CDK8: variants seen among roughly 807,000 people sequenced by gnomAD.
CDK8 encodes the protein cyclin-dependent kinase 8.
In CDK8, 29 loss-of-function variants were observed where a neutral mutation model predicts 71.5. The ratio of observed to expected loss-of-function variants is 0.41; its 90% CI spans 0.30 to 0.55. CDK8 has a LOEUF of 0.55. Ranked by LOEUF, CDK8 falls within the 20% of genes least tolerant of loss-of-function variation. The pLI is 0.37. For missense variants in CDK8, 288 were observed against 572.6 expected (o/e 0.50, Z 5.07); for synonymous variants, 161 against 192.1 (o/e 0.84, Z 1.34).
At chr13:26,391,718 A>G (rs1039978247) in intron 6 of CDK8, among the ~76,000 whole-genome samples, 1 of 152,224 alleles carries the variant, frequency 6.6e-6, no homozygotes, top group Non-Finnish European at 1.5e-5. Flanking sequence ...AGGTTGGCCT[A>G]TGTTTCTTGA....
Position 26,400,519 on chromosome 13 carries a change from T to G in CDK8, c.1000T>G (p.Tyr334Asp). The change falls in exon 10 of 13, where the codon TAT becomes GAT. Residue 334 changes from tyrosine (Y) to aspartate (D), a missense_variant. Tyr to Asp is a radical substitution (Grantham distance 160). Transcript: ENST00000381527. ...CTCAGAACAGGCTATGCAGGACCCC[T>G]ATTTCTTAGAAGACCCACTTCCTAC... Reference protein sequence around the residue: ...ITSEQAMQDPYFLEDPLPTSD... With the variant: ...ITSEQAMQDPDFLEDPLPTSD... The G allele has an allele frequency of 6.2e-7, 1 of 1,612,564 alleles. No homozygotes were observed. Among genetic ancestry groups the G allele is most frequent in the Non-Finnish European group, 8.5e-7 (1 of 1,178,748 alleles).
At position 26,349,160 on chromosome 13, in the gene CDK8, A is replaced by G; in HGVS notation, c.293A>G (p.Asp98Gly). 1.2e-6 allele frequency: 2 copies of G among 1,605,698 alleles called. No homozygotes were observed. The highest frequency in any genetic ancestry group is 1.7e-6 in the Non-Finnish European group (2 of 1,172,910). Reference sequence around the variant, plus strand: ...GATAGGAAGGTGTGGCTTCTGTTTGACTATGCTGAACATGACCTCTGGGTA... The same window carrying G: ...GATAGGAAGGTGTGGCTTCTGTTTGGCTATGCTGAACATGACCTCTGGGTA... Reference protein sequence around the residue: ...HADRKVWLLFDYAEHDLWHII... With the variant: ...HADRKVWLLFGYAEHDLWHII... The change falls in exon 3 of 13, where the codon GAC becomes GGC. Residue 98 changes from aspartate (D) to glycine (G), a missense_variant. Transcript: ENST00000381527.
At chr13:26,273,562 C>G (rs1872428306) in intron 1 of CDK8, among the ~76,000 whole-genome samples, 1 of 151,882 alleles carries the variant, frequency 6.6e-6, no homozygotes, top group Non-Finnish European at 1.5e-5. Flanking sequence ...TATACATACA[C>G]ATATATGATA....
chr13:26,395,453 G>A (rs370790430), intron 7 of CDK8, among the ~76,000 whole-genome samples: 177 of 151,040 alleles, frequency 1.2e-3, no homozygotes, highest in African/African-American at 4.0e-3. Context: ...ATTGCACTCC[G>A]GCCTGGGCTG....
intron 1 of CDK8, among the ~76,000 whole-genome samples, chr13:26,264,332 C>T (rs1423582839): frequency 6.6e-6 from 1 of 151,954 alleles, no homozygotes; most frequent in Non-Finnish European, 1.5e-5. Flanking sequence ...GTTCCCTGGG[C>T]TGGAGTGCTG....
In CDK8 at chr13:26,370,426, C is replaced by T. The variant is rs79039130; in HGVS notation, c.457-12388C>T. ...ATTATCTTAGTAGTCATAAATATAA[C>T]ACAAAATTCAATATCTGGTGAAACA... On this transcript the variant is annotated intron_variant, in intron 4 of 12. Transcript: ENST00000381527. 9.8e-4 allele frequency among the ~76,000 whole-genome samples: 149 copies of T among 152,204 alleles called. 1 individual carries two copies. In the East Asian group the frequency reaches 0.027, roughly 27 times the overall value.
At chr13:26,321,683 G>A (rs1874782403) in intron 1 of CDK8, among the ~76,000 whole-genome samples, 1 of 152,010 alleles carries the variant, frequency 6.6e-6, no homozygotes, top group Non-Finnish European at 1.5e-5. Flanking sequence ...AAACAGTACT[G>A]TGGGCAGTCA....
At chr13:26,403,696 T>C (rs1339574719) in intron 12 of CDK8, among the ~76,000 whole-genome samples, 1 of 152,170 alleles carries the variant, frequency 6.6e-6, no homozygotes, top group Non-Finnish European at 1.5e-5. Flanking sequence ...AAGGGGTTAC[T>C]CCTGTAGAAA....
At chr13:26,398,412 A>G (rs1876093863) in intron 9 of CDK8, among the ~76,000 whole-genome samples, 1 of 152,132 alleles carries the variant, frequency 6.6e-6, no homozygotes, top group Admixed American at 6.5e-5. Context: ...GACTCTGCCT[A>G]CCATCACCAC....
At chr13:26,314,800 CA>C (rs1335596956) in intron 1 of CDK8, among the ~76,000 whole-genome samples, 3 of 152,078 alleles carry the variant, frequency 2.0e-5, no homozygotes, top group Non-Finnish European at 4.4e-5. Context: ...TATGTTTATA[CA>C]GGACAAATTT....
At chr13:26,304,659 C>G (rs1016336005) in intron 1 of CDK8, among the ~76,000 whole-genome samples, 1 of 151,932 alleles carries the variant, frequency 6.6e-6, no homozygotes, top group African/African-American at 2.4e-5. Context: ...TTTTTAGTGA[C>G]AGTGTTTCCC....
At chr13:26,382,745 T>C in intron 4 of CDK8, 69 bp from the exon 5 acceptor site, 3 of 867,002 alleles carry the variant, frequency 3.5e-6, no homozygotes, top group East Asian at 2.5e-5. Flanking sequence ...TTGTGTTATA[T>C]TGGCATATTG....
chr13:26,293,587 T>C (rs1490802361), intron 1 of CDK8, among the ~76,000 whole-genome samples: 1 of 115,636 alleles, frequency 8.6e-6, no homozygotes, highest in Non-Finnish European at 1.6e-5. Flanking sequence ...CTGGGCAACA[T>C]AGTGAGACTG....
intron 12 of CDK8, among the ~76,000 whole-genome samples, chr13:26,403,515 G>A (rs556098720): frequency 1.8e-3 from 277 of 152,220 alleles, no homozygotes; most frequent in African/African-American, 6.4e-3. Flanking sequence ...AATGGATTCT[G>A]TGATACCTTC....
At chr13:26,400,389 C>T in intron 9 of CDK8, 64 bp from the exon 10 acceptor site, 1 of 969,530 alleles carries the variant, frequency 1.0e-6, no homozygotes, top group Non-Finnish European at 1.7e-6. Context: ...ATCGTCTTCA[C>T]ATATGTGCTG....
chr13:26,302,117 A>G (rs977995503), intron 1 of CDK8, among the ~76,000 whole-genome samples: 11 of 152,220 alleles, frequency 7.2e-5, no homozygotes, highest in African/African-American at 2.7e-4. Context: ...ACACAAAACA[A>G]TAAACCTGAT....
At position 26,387,480 on chromosome 13, in the gene CDK8, C is replaced by T. The variant is rs150076773; in HGVS notation, c.646+2138C>T. Among the ~76,000 whole-genome samples, 598 of 152,256 alleles carry T rather than the reference C, an allele frequency of 3.9e-3. 5 individuals carry two copies. Among genetic ancestry groups the T allele is most frequent in the African/African-American group, 0.014 (561 of 41,548 alleles). ...GGGGTAACCTCTAAATGCCAGAAGG[C>T]GCAGGTCTTTCCTCTGAAGCCAAAG... On this transcript the variant is annotated intron_variant, in intron 6 of 12. Coordinates refer to ENST00000381527, the MANE Select transcript of CDK8 (RefSeq NM_001260.3).
intron 1 of CDK8, among the ~76,000 whole-genome samples, chr13:26,303,543 G>A (rs776367328): frequency 2.6e-5 from 4 of 152,152 alleles, no homozygotes; most frequent in Admixed American, 2.0e-4. Context: ...CTCAGGTGGT[G>A]TGAGCCACCA....
chr13:26,397,527 T>C (rs1353729726), intron 9 of CDK8, among the ~76,000 whole-genome samples: 3 of 151,528 alleles, frequency 2.0e-5, no homozygotes, highest in Non-Finnish European at 4.4e-5. Context: ...TGTTTAAGAT[T>C]TTAAAAGTTC....
Sources: allele counts gnomAD v4.1 joint callset (sites outside exome capture counted in the v4.1 genomes callset), GRCh38; gene constraint gnomAD v4.1.1; transcripts MANE v1.5; gene names NCBI Gene and HGNC (gene_info 2026-07-23, HGNC 2026-07-21).